The following LYPLAL1 variants were observed in gnomAD, a reference collection of about 807,000 sequenced individuals.
LYPLAL1 encodes lysophospholipase-like protein 1.
Under a neutral mutation model 19.7 loss-of-function variants are expected in LYPLAL1, and 23 were observed. That is an observed-to-expected ratio of 1.17 (90% confidence interval 0.84 to 1.65). The LOEUF is 1.65. LYPLAL1 is among the 40% of genes most tolerant of loss of function. The pLI is 0.00. For synonymous variants in LYPLAL1, 119 were observed against 96.3 expected (o/e 1.24, Z -1.38); for missense variants, 355 against 279.4 (o/e 1.27, Z -1.93).
the LYPLAL1 span, among the ~76,000 whole-genome samples, chr1:219,312,760 C>T: frequency 6.6e-6 from 1 of 152,112 alleles, no homozygotes; most frequent in African/African-American, 2.4e-5. Flanking sequence ...TGGTATTGGG[C>T]TGAATTTGTA....
the LYPLAL1 span, among the ~76,000 whole-genome samples, chr1:219,347,678 T>C: frequency 6.6e-6 from 1 of 152,230 alleles, no homozygotes; most frequent in South Asian, 2.1e-4. Flanking sequence ...TTAAGAGGTG[T>C]GGCTAGAATG....
At chr1:219,287,095 G>A in the LYPLAL1 span, among the ~76,000 whole-genome samples, 16 of 152,146 alleles carry the variant, frequency 1.1e-4, no homozygotes, top group Admixed American at 6.6e-4. Flanking sequence ...TTGAGGTATC[G>A]GTTTGGGTTT....
chr1:219,211,873 T>A lies in LYPLAL1; in HGVS notation c.*145T>A. 1 of 486,498 alleles carries A rather than the reference T, an allele frequency of 2.1e-6. No individual in the cohort carries two copies. Among genetic ancestry groups the A allele is most frequent in the Non-Finnish European group, 3.6e-6 (1 of 281,316 alleles). The allele number at this position is 486,498 out of a possible 1,614,324, so 30.1% of individuals were successfully genotyped here. ...TTAAAATGCTTATCACTGTAGACAG[T>A]AGCTAATCTTATTAATGAAAAACAA... is the stretch of plus-strand genomic sequence containing the variant. On this transcript the variant is annotated 3_prime_UTR_variant, in exon 5 of 5. Coordinates refer to ENST00000366928, the MANE Select transcript of LYPLAL1 (RefSeq NM_138794.5).
At chr1:219,332,321 C>A in the LYPLAL1 span, among the ~76,000 whole-genome samples, 1 of 152,112 alleles carries the variant, frequency 6.6e-6, no homozygotes. Flanking sequence ...TTGTTTTAGT[C>A]AACCCCTGTT....
chr1:219,406,673 G>A, the LYPLAL1 span, among the ~76,000 whole-genome samples: 1 of 152,130 alleles, frequency 6.6e-6, no homozygotes, highest in South Asian at 2.1e-4. Flanking sequence ...GAAACCCTAT[G>A]CTGAACCCAG....
the LYPLAL1 span, among the ~76,000 whole-genome samples, chr1:219,442,899 G>A: frequency 6.6e-5 from 10 of 152,170 alleles, no homozygotes; most frequent in African/African-American, 2.4e-4. Context: ...TGCAGAGAAT[G>A]AGCAATCTAT....
chr1:219,317,846 T>G, the LYPLAL1 span, among the ~76,000 whole-genome samples: 3 of 152,198 alleles, frequency 2.0e-5, no homozygotes, highest in African/African-American at 7.2e-5. Flanking sequence ...ACTGGACTTG[T>G]GCTGAGGATA....
the LYPLAL1 span, among the ~76,000 whole-genome samples, chr1:219,311,554 G>A: frequency 6.8e-6 from 1 of 146,176 alleles, no homozygotes; most frequent in African/African-American, 2.5e-5. Context: ...TTTTTAAGGT[G>A]GACACCATGT....
chr1:219,437,751 ATTTATTTTATTTTAT>A, the LYPLAL1 span, among the ~76,000 whole-genome samples: 2 of 143,446 alleles, frequency 1.4e-5, no homozygotes, highest in African/African-American at 5.2e-5. Context: ...ATTTTATTGT[ATTTATTTTATTTTAT>A]TTTATTTTAT....
the LYPLAL1 span, among the ~76,000 whole-genome samples, chr1:219,342,563 C>A: frequency 6.6e-6 from 1 of 152,094 alleles, no homozygotes; most frequent in African/African-American, 2.4e-5. Flanking sequence ...ATGAAACTGG[C>A]AGCCTAATTT....
the LYPLAL1 span, among the ~76,000 whole-genome samples, chr1:219,241,518 T>A: frequency 6.6e-6 from 1 of 152,082 alleles, no homozygotes; most frequent in African/African-American, 2.4e-5. Flanking sequence ...TAGAAATCCT[T>A]ACCTTCTTGG....
the LYPLAL1 span, among the ~76,000 whole-genome samples, chr1:219,259,048 TAAA>T: frequency 6.6e-6 from 1 of 151,000 alleles, no homozygotes; most frequent in Non-Finnish European, 1.5e-5. Context: ...GAAATGCAAA[TAAA>T]AACAACAATG....
the LYPLAL1 span, among the ~76,000 whole-genome samples, chr1:219,438,360 G>T: frequency 6.6e-6 from 1 of 152,130 alleles, no homozygotes; most frequent in Non-Finnish European, 1.5e-5. Context: ...ATTTCTTAAG[G>T]TAGGGTTTTG....
chr1:219,352,172 T>G, the LYPLAL1 span, among the ~76,000 whole-genome samples: 21 of 152,304 alleles, frequency 1.4e-4, no homozygotes, highest in African/African-American at 4.6e-4. Flanking sequence ...CCAACTGATT[T>G]TACTTAGCTC....
chr1:219,412,043 G>C, the LYPLAL1 span: 1 of 152,034 alleles, frequency 6.6e-6, no homozygotes, highest in Non-Finnish European at 1.5e-5. Flanking sequence ...TCATTTTTTT[G>C]TTTGTTTGTT....
the LYPLAL1 span, among the ~76,000 whole-genome samples, chr1:219,395,015 A>G: frequency 7.2e-5 from 11 of 151,950 alleles, no homozygotes; most frequent in East Asian, 1.9e-4. Flanking sequence ...TTCTTCATCT[A>G]CTCTACCACT....
At chr1:219,429,877 C>T in the LYPLAL1 span, among the ~76,000 whole-genome samples, 23 of 152,234 alleles carry the variant, frequency 1.5e-4, no homozygotes, top group South Asian at 4.4e-3. Flanking sequence ...AAGAAGCTTA[C>T]AGTTATCTTG....
At chr1:219,286,152 C>T in the LYPLAL1 span, among the ~76,000 whole-genome samples, 1 of 152,098 alleles carries the variant, frequency 6.6e-6, no homozygotes, top group Admixed American at 6.5e-5. Flanking sequence ...GACTCTCCCA[C>T]TGGGGAGCAG....
At chr1:219,319,269 G>A in the LYPLAL1 span, among the ~76,000 whole-genome samples, 1 of 152,112 alleles carries the variant, frequency 6.6e-6, no homozygotes, top group African/African-American at 2.4e-5. Context: ...CAGAAACTCA[G>A]AGGAAAGACC....
Sources: allele counts gnomAD v4.1 joint callset (sites outside exome capture counted in the v4.1 genomes callset), GRCh38; gene constraint gnomAD v4.1.1; transcripts MANE v1.5; gene names NCBI Gene and HGNC (gene_info 2026-07-23, HGNC 2026-07-21).